The following DDHD1 variants were observed in gnomAD, a reference collection of about 807,000 sequenced individuals.
DDHD1 encodes the protein DDHD domain containing 1, also known as phospholipase DDHD1.
A neutral mutation model predicts 96.4 loss-of-function variants in DDHD1; 49 were observed. The ratio of observed to expected loss-of-function variants is 0.51; its 90% CI spans 0.40 to 0.64. The LOEUF is 0.64. Ranked by LOEUF, DDHD1 falls within the 30% of genes least tolerant of loss-of-function variation. The probability of loss-of-function intolerance (pLI) is 0.00; values close to 1 mark genes in which losing one functional copy is unlikely to be tolerated. For synonymous variants in DDHD1, 442 were observed against 446.5 expected, an observed-to-expected ratio of 0.99 and a Z score of 0.13; for missense variants, 1,106 against 1,161.2, an observed-to-expected ratio of 0.95 and a Z score of 0.69.
intron 6 of DDHD1, 146 bp from the exon 7 acceptor site, chr14:53,063,351 A>G: frequency 1.1e-6 from 1 of 947,664 alleles, no homozygotes; most frequent in South Asian, 1.8e-5. Context: ...GTCTTTCAAA[A>G]TCTTGCAGGA....
At chr14:53,104,607 T>C (rs1887550197) in intron 1 of DDHD1, among the ~76,000 whole-genome samples, 2 of 152,098 alleles carry the variant, frequency 1.3e-5, no homozygotes, top group African/African-American at 4.8e-5. Flanking sequence ...TTAGTAAATA[T>C]TTCATCTACT....
At chr14:53,085,484 G>A (rs1264638929) in intron 4 of DDHD1, among the ~76,000 whole-genome samples, 7 of 152,140 alleles carry the variant, frequency 4.6e-5, no homozygotes, top group Admixed American at 1.3e-4. Context: ...TGCAGACTCC[G>A]CTGGTAATAC....
chr14:53,115,751 C>T lies in DDHD1; in HGVS notation c.839-11895G>A, dbSNP rs531482371. The stretch of plus-strand genomic sequence containing the variant: ...AGCACTAAATATGGAAAGGAAAAAC[C>T]GATACCAGCCACTGCAAAAACAAAA... On this transcript the variant is annotated intron_variant, in intron 1 of 12. Transcript: ENST00000673822. Among the ~76,000 whole-genome samples the T allele has an allele frequency of 7.4e-4, 113 of 152,162 alleles. 1 individual carries two copies. Among genetic ancestry groups the T allele is most frequent in the Non-Finnish European group, 1.1e-3 (77 of 67,992 alleles).
At chr14:53,152,118 C>CAGG in intron 1 of DDHD1, 143 bp downstream of exon 1, 5 of 827,372 alleles carry the variant, frequency 6.0e-6, no homozygotes, top group East Asian at 3.0e-5. Context: ...CCGACGCTCC[C>CAGG]TGCTCAATCT....
chr14:53,071,492 T>A (rs779797007), intron 6 of DDHD1, among the ~76,000 whole-genome samples: 3 of 152,102 alleles, frequency 2.0e-5, no homozygotes, highest in Admixed American at 6.6e-5. Context: ...ACAAGATCCT[T>A]GTACAGTATC....
chr14:53,052,333 TAAAG>T (rs1882665076), intron 11 of DDHD1, among the ~76,000 whole-genome samples: 1 of 152,014 alleles, frequency 6.6e-6, no homozygotes, highest in Non-Finnish European at 1.5e-5. Context: ...GTTCTTCACA[TAAAG>T]AAACAGACAG....
At chr14:53,051,795 T>A in intron 12 of DDHD1, 49 bp downstream of exon 12, 1 of 1,446,490 alleles carries the variant, frequency 6.9e-7, no homozygotes, top group Admixed American at 2.0e-5. Flanking sequence ...GAACTCTAAG[T>A]AGATCATTTT....
At chr14:53,098,068 G>A (rs1887020593) in intron 2 of DDHD1, among the ~76,000 whole-genome samples, 2 of 151,944 alleles carry the variant, frequency 1.3e-5, no homozygotes, top group Admixed American at 1.3e-4. Context: ...AAGTACAGTA[G>A]AGGAAAAAAA....
chr14:53,044,837 G>A lies in DDHD1; in HGVS notation c.*1931C>T, dbSNP rs1447380146. 1 of 152,184 alleles carries A rather than the reference G, an allele frequency of 6.6e-6. No homozygotes were observed. The highest frequency in any genetic ancestry group is 2.4e-5 in the African/African-American group (1 of 41,454). The allele number at this position is 152,184 out of a possible 1,614,324, so 9.4% of individuals were successfully genotyped here. A position where few individuals can be genotyped will look rare whatever the true frequency, so the allele number is the denominator to read the frequency against. ...AAGTAAAACCTACAAGTAAGCCACA[G>A]ATTCTACTATCTTATGAAGAAAGGA... On this transcript the variant is annotated 3_prime_UTR_variant, in exon 13 of 13. Transcript: ENST00000673822.
At chr14:53,085,867 T>C (rs922159317) in intron 4 of DDHD1, among the ~76,000 whole-genome samples, 3 of 152,130 alleles carry the variant, frequency 2.0e-5, no homozygotes, top group Non-Finnish European at 4.4e-5. Flanking sequence ...TAAAGGAGCA[T>C]GTTCAAACCC....
intron 2 of DDHD1, among the ~76,000 whole-genome samples, chr14:53,101,822 A>AT (rs1887323487): frequency 6.6e-6 from 1 of 152,054 alleles, no homozygotes; most frequent in Non-Finnish European, 1.5e-5. Context: ...TTAAATTCTA[A>AT]TTTTTATTGT....
At chr14:53,072,260 A>G (rs1401336827) in intron 6 of DDHD1, among the ~76,000 whole-genome samples, 2 of 152,110 alleles carry the variant, frequency 1.3e-5, no homozygotes, top group Admixed American at 6.6e-5. Context: ...GTGAAGCAAT[A>G]AAAGTCCATC....
chr14:53,152,120 GCTCA>G, intron 1 of DDHD1, 137 bp downstream of exon 1: 1 of 847,192 alleles, frequency 1.2e-6, no homozygotes, highest in Non-Finnish European at 1.7e-6. Context: ...GACGCTCCCT[GCTCA>G]ATCTCCATCC....
At chr14:53,103,982 A>C in intron 1 of DDHD1, 126 bp from the exon 2 acceptor site, 1 of 725,552 alleles carries the variant, frequency 1.4e-6, no homozygotes, top group Non-Finnish European at 2.1e-6. Context: ...ACCCAATACA[A>C]TCATCTAAAC....
chr14:53,134,312 C>T (rs1320832488), intron 1 of DDHD1, among the ~76,000 whole-genome samples: 1 of 152,122 alleles, frequency 6.6e-6, no homozygotes, highest in African/African-American at 2.4e-5. Context: ...GGTACTATCC[C>T]CAATCAGCCA....
At chr14:53,095,967 A>C (rs757737236) in intron 2 of DDHD1, 12 of 200,816 alleles carry the variant, frequency 6.0e-5, no homozygotes, top group Non-Finnish European at 8.9e-5. Flanking sequence ...ACTGTTTACC[A>C]ATATTTATAC....
chr14:53,141,077 C>T (rs1010011137), intron 1 of DDHD1, among the ~76,000 whole-genome samples: 1 of 152,078 alleles, frequency 6.6e-6, no homozygotes, highest in Non-Finnish European at 1.5e-5. Context: ...AAGCAAAAAC[C>T]AATATAACTT....
At chr14:53,133,427 G>C (rs971326488) in intron 1 of DDHD1, among the ~76,000 whole-genome samples, 1 of 152,040 alleles carries the variant, frequency 6.6e-6, no homozygotes, top group African/African-American at 2.4e-5. Context: ...ATAACAGACC[G>C]GCCTTTATTA....
intron 3 of DDHD1, 47 bp from the exon 4 acceptor site, chr14:53,091,979 A>G: frequency 6.5e-7 from 1 of 1,541,994 alleles, no homozygotes; most frequent in Non-Finnish European, 8.8e-7. Flanking sequence ...TCTGAGAAAT[A>G]GCATTTCCAC....
Sources: gnomAD v4.1 joint callset for allele counts (sites outside exome capture counted in the v4.1 genomes callset) on GRCh38, gnomAD v4.1.1 for gene constraint, MANE v1.5 for transcripts, NCBI Gene and HGNC (gene_info 2026-07-23, HGNC 2026-07-21) for gene names.